Variants in DIP2A observed in about 807,000 individuals in gnomAD.
The protein encoded by DIP2A is DIP2 acetate--CoA ligase A, also known as disco-interacting protein 2 homolog A.
In DIP2A, 85 loss-of-function variants were observed where a neutral mutation model predicts 177.4. The observed-to-expected ratio is 0.48, with a 90% CI of 0.40 to 0.57. The LOEUF (loss-of-function observed/expected upper bound fraction) is 0.57. Among genes scored for constraint, DIP2A ranks in the 20% least tolerant of loss-of-function variants. The pLI is 0.00. For missense variants in DIP2A, 1,791 were observed against 2,100.2 expected (o/e 0.85, Z 2.88); for synonymous variants, 886 against 881.8 (o/e 1.00, Z -0.08).
intron 3 of DIP2A, among the ~76,000 whole-genome samples, chr21:46,495,248 C>CTTCTCTTCTCTTCTT (rs1470078371): frequency 4.4e-4 from 34 of 77,530 alleles, no homozygotes; most frequent in South Asian, 4.8e-4. Flanking sequence ...TCTTCTTTCT[C>CTTCTCTTCTCTTCTT]TCTCTCTCTC....
Position 46,563,576 on chromosome 21 carries a change from G to A in DIP2A, c.4090-282G>A, listed in dbSNP as rs1178246643. ...CCCATCAGGTGCGCTGGCATCACCT[G>A]GCTGATTGTCTTTGTAGGCTTAGTG... is the stretch of plus-strand genomic sequence containing the variant. On this transcript the variant is annotated intron_variant, in intron 34 of 37. Transcript: ENST00000417564. The surrounding 1 kb of genome is among the most constrained non-coding windows in gnomAD (Gnocchi z 4.3). 1 of 411,346 alleles carries A rather than the reference G, an allele frequency of 2.4e-6. No homozygotes were observed. The highest frequency in any genetic ancestry group is 5.0e-5 in the East Asian group (1 of 19,994). The allele number at this position is 411,346 out of a possible 1,614,324, so 25.5% of individuals were successfully genotyped here. A position where few individuals can be genotyped will look rare whatever the true frequency, so the allele number is the denominator to read the frequency against.
chr21:46,520,313 G>A (rs1601641802), intron 8 of DIP2A, among the ~76,000 whole-genome samples: 1 of 152,202 alleles, frequency 6.6e-6, no homozygotes, highest in Non-Finnish European at 1.5e-5. Flanking sequence ...TAAGCAAAAA[G>A]TCAAAACAAG....
In DIP2A at chr21:46,554,885, G is replaced by A; in HGVS notation, c.3340G>A (p.Ala1114Thr). ...AVTRLLRSKE[A>T]AAAVDIRTWP... Reference sequence around the variant, plus strand: ...CACACGGCTGCTCAGGTCCAAGGAGGCTGCTGCTGCCGTGGACATCAGGAC... The same window carrying A: ...CACACGGCTGCTCAGGTCCAAGGAGACTGCTGCTGCCGTGGACATCAGGAC... The change falls in exon 28 of 38, where the codon GCT (alanine) becomes ACT (threonine). Residue 1114 changes from alanine (A) to threonine (T), a missense_variant. By Grantham distance (58) the Ala-to-Thr change is moderately conservative (BLOSUM62 0). Coordinates refer to ENST00000417564, the MANE Select transcript of DIP2A (RefSeq NM_015151.4). The A allele has an allele frequency of 1.3e-6, 2 of 1,552,756 alleles. No homozygotes were observed. The highest frequency in any genetic ancestry group is 1.7e-6 in the Non-Finnish European group (2 of 1,148,426).
intron 3 of DIP2A, among the ~76,000 whole-genome samples, chr21:46,492,086 T>C (rs1568959949): frequency 1.3e-5 from 2 of 152,254 alleles, no homozygotes; most frequent in Non-Finnish European, 2.9e-5. Context: ...TTGTGTTTTC[T>C]TGTACAAGTT....
In DIP2A at chr21:46,545,225, T is replaced by C; in HGVS notation, c.2265T>C (p.Thr755=). The C allele has an allele frequency of 1.2e-6, 2 of 1,610,124 alleles. No individual in the cohort carries two copies. Among genetic ancestry groups the C allele is most frequent in the Non-Finnish European group, 1.7e-6 (2 of 1,176,678 alleles). The change falls in exon 19 of 38, where the codon ACT becomes ACC. Residue 755 remains threonine (T), a synonymous_variant. Transcript: ENST00000417564. ...AAATATGCGTCAGTTCCAGTGCAAC[T>C]GGCACAGCGTACTATGGATTGCTTG... The part of the protein sequence containing the change: ...VGEICVSSSA[T]GTAYYGLLGI...
intron 2 of DIP2A, among the ~76,000 whole-genome samples, chr21:46,488,213 T>G (rs1436872169): frequency 6.6e-6 from 1 of 152,196 alleles, no homozygotes; most frequent in African/African-American, 2.4e-5. Context: ...AAGAACCCTC[T>G]TCCTCCTCCC....
At chr21:46,560,394 T>C (rs2060624134) in intron 32 of DIP2A, among the ~76,000 whole-genome samples, 1 of 152,206 alleles carries the variant, frequency 6.6e-6, no homozygotes, top group African/African-American at 2.4e-5. Context: ...GAAATGCCCC[T>C]CAAATCCTAA....
intron 8 of DIP2A, among the ~76,000 whole-genome samples, chr21:46,520,718 A>G (rs2058787414): frequency 1.3e-5 from 2 of 152,276 alleles, no homozygotes; most frequent in East Asian, 3.8e-4. Flanking sequence ...CATACCAATT[A>G]TATTAATAAC....
intron 8 of DIP2A, among the ~76,000 whole-genome samples, chr21:46,516,488 CT>C (rs1158910021): frequency 0.031 from 2,365 of 76,266 alleles, 17 homozygotes; most frequent in Non-Finnish European, 0.051. Flanking sequence ...TCTGAAATTT[CT>C]TTTTTTTTTT....
intron 17 of DIP2A, 118 bp from the exon 18 acceptor site, chr21:46,541,638 A>C: frequency 8.2e-7 from 1 of 1,216,448 alleles, no homozygotes; most frequent in Non-Finnish European, 1.2e-6. Flanking sequence ...CGTTTCTCAC[A>C]AGTCTGTAAC....
At position 46,565,735 on chromosome 21, in the gene DIP2A, A is replaced by G. The variant is rs1442191317; in HGVS notation, c.4187A>G (p.Asn1396Ser). The change falls in exon 36 of 38, where the codon AAT (asparagine) becomes AGT (serine). Residue 1396 changes from asparagine to serine, a missense_variant. Coordinates refer to ENST00000417564, the MANE Select transcript of DIP2A (RefSeq NM_015151.4). ...CAGATCTGGGTAAGCAGCCCCCACAATGCCACCGGGTACTACACCGTTTAC... is the reference window on the plus strand; with the variant it reads ...CAGATCTGGGTAAGCAGCCCCCACAGTGCCACCGGGTACTACACCGTTTAC... ...LGEIWVSSPHNATGYYTVYGE... is the reference protein window; with the variant it reads ...LGEIWVSSPHSATGYYTVYGE... 5 of 1,612,596 alleles carry G rather than the reference A, an allele frequency of 3.1e-6. No individual in the cohort carries two copies. Among genetic ancestry groups the G allele is most frequent in the Admixed American group, 1.7e-5 (1 of 59,942 alleles).
chr21:46,491,900 T>A (rs1460531585), intron 3 of DIP2A, among the ~76,000 whole-genome samples: 1 of 152,234 alleles, frequency 6.6e-6, no homozygotes, highest in Non-Finnish European at 1.5e-5. Flanking sequence ...TAAATATGAT[T>A]TGCCAATATT....
In DIP2A at chr21:46,539,746, C is replaced by A. The variant is rs780259552; in HGVS notation, c.1922-131C>A. The A allele has an allele frequency of 2.0e-5, 15 of 767,372 alleles. 1 individual carries two copies. The Middle Eastern group carries it at 8.9e-4, about 46-fold the overall frequency. The allele number at this position is 767,372 out of a possible 1,614,324, so 47.5% of individuals were successfully genotyped here. ...AGTCTGAGGGTACCTGTGAAGGGGCCCCTTCCTTCTGCTGATGCAGCCCTG... is the reference window on the plus strand; with the variant it reads ...AGTCTGAGGGTACCTGTGAAGGGGCACCTTCCTTCTGCTGATGCAGCCCTG... On this transcript the variant is annotated intron_variant, in intron 16 of 37. Transcript: ENST00000417564.
intron 3 of DIP2A, among the ~76,000 whole-genome samples, chr21:46,496,709 T>G (rs146314041): frequency 1.4e-4 from 22 of 152,356 alleles, no homozygotes; most frequent in Non-Finnish European, 1.8e-4. Context: ...AACAACTAGA[T>G]ACACATTTAG....
chr21:46,545,033 TA>T, intron 18 of DIP2A, 103 bp from the exon 19 acceptor site: 3 of 1,185,150 alleles, frequency 2.5e-6, no homozygotes, highest in Non-Finnish European at 3.5e-6. Flanking sequence ...GCTGTGTATA[TA>T]ACATCCTGTT....
chr21:46,520,985 G>T (rs1419383015), intron 8 of DIP2A, among the ~76,000 whole-genome samples: 4 of 152,092 alleles, frequency 2.6e-5, no homozygotes, highest in African/African-American at 7.2e-5. Flanking sequence ...AATATTAAAG[G>T]TTTAAACGCT....
chr21:46,550,560 C>G lies in DIP2A; in HGVS notation c.2655C>G (p.His885Gln). The change falls in exon 23 of 38, where the codon CAC becomes CAG. Residue 885 changes from histidine to glutamine, a missense_variant. Transcript: ENST00000417564. ...SRVLQAIDSI[H>Q]QVGVYCLALV... Reference sequence around the variant, plus strand: ...CCTTTCAGGCCATTGATAGCATCCACCAGGTGGGCGTGTACTGTCTGGCCC... The same window carrying G: ...CCTTTCAGGCCATTGATAGCATCCAGCAGGTGGGCGTGTACTGTCTGGCCC... The G allele has an allele frequency of 6.2e-7, 1 of 1,613,300 alleles. No homozygotes were observed. The highest frequency in any genetic ancestry group is 8.5e-7 in the Non-Finnish European group (1 of 1,179,664).
intron 35 of DIP2A, 72 bp from the exon 36 acceptor site, chr21:46,565,641 T>TG (rs74854320): frequency 0.1 from 150,362 of 1,462,472 alleles, 9,486 homozygotes; most frequent in East Asian, 0.35. Context: ...TCTTGGCCAG[T>TG]GGATGTCTCG....
At chr21:46,531,146 G>C (rs1474180795) in intron 9 of DIP2A, among the ~76,000 whole-genome samples, 1 of 152,054 alleles carries the variant, frequency 6.6e-6, no homozygotes, top group Non-Finnish European at 1.5e-5. Flanking sequence ...GTCCAGGGGG[G>C]GCAGCAGAGC....
Sources: allele counts gnomAD v4.1 joint callset (sites outside exome capture counted in the v4.1 genomes callset), GRCh38; gene constraint gnomAD v4.1.1; non-coding constraint Gnocchi (gnomAD v3.1); transcripts MANE v1.5; gene names NCBI Gene and HGNC (gene_info 2026-07-23, HGNC 2026-07-21).